ACCSL: variants seen among roughly 807,000 people sequenced by gnomAD.
The protein encoded by ACCSL is 1-aminocyclopropane-1-carboxylate synthase homolog (inactive) like, also known as probable inactive 1-aminocyclopropane-1-carboxylate synthase-like protein 2.
ACCSL carries 55 observed loss-of-function variants against 61.7 expected under a neutral mutation model. The ratio of observed to expected loss-of-function variants is 0.89; its 90% confidence interval spans 0.72 to 1.12. The LOEUF is 1.12. Ranked by LOEUF, ACCSL falls within the 50% of genes most tolerant of loss-of-function variation. The pLI is 0.00. For synonymous variants in ACCSL, 258 were observed against 264.3 expected (o/e 0.98, Z 0.23); for missense variants, 632 against 698.0 (o/e 0.91, Z 1.07).
At chr11:44,010,662 G>A in the ACCSL span, among the ~76,000 whole-genome samples, 1 of 152,212 alleles carries the variant, frequency 6.6e-6, no homozygotes, top group Non-Finnish European at 1.5e-5. Flanking sequence ...TCAAAACTCT[G>A]AAATGGAATT....
chr11:43,949,586 A>T, the ACCSL span, among the ~76,000 whole-genome samples: 2 of 152,174 alleles, frequency 1.3e-5, no homozygotes, highest in African/African-American at 4.8e-5. Context: ...AGGCTGAGGC[A>T]GGTGGATCAC....
At chr11:44,029,969 T>TTTTTA in the ACCSL span, among the ~76,000 whole-genome samples, 7,190 of 94,400 alleles carry the variant, frequency 0.076, 368 homozygotes, top group Non-Finnish European at 0.096. Flanking sequence ...CTGGGCCTTG[T>TTTTTA]TTTTATTTTA....
At chr11:44,031,196 T>A in the ACCSL span, among the ~76,000 whole-genome samples, 4 of 152,200 alleles carry the variant, frequency 2.6e-5, no homozygotes, top group Non-Finnish European at 5.9e-5. Flanking sequence ...ATAATGTGTG[T>A]AAAGAGCTCA....
chr11:43,971,044 G>A, the ACCSL span, among the ~76,000 whole-genome samples: 1 of 152,130 alleles, frequency 6.6e-6, no homozygotes, highest in Non-Finnish European at 1.5e-5. Context: ...TAGAAAACCA[G>A]TAATATGGCC....
At chr11:44,050,999 G>A (rs892211741) in intron 3 of ACCSL, among the ~76,000 whole-genome samples, 2 of 151,846 alleles carry the variant, frequency 1.3e-5, no homozygotes, top group Non-Finnish European at 2.9e-5. Flanking sequence ...CCGCCACCAC[G>A]CCCAGCTAAT....
chr11:43,955,894 A>G, the ACCSL span, among the ~76,000 whole-genome samples: 7 of 151,830 alleles, frequency 4.6e-5, no homozygotes, highest in Non-Finnish European at 5.9e-5. Flanking sequence ...GCTAACTCCC[A>G]AAATTAGCTT....
At chr11:44,001,496 G>A in the ACCSL span, among the ~76,000 whole-genome samples, 3,210 of 152,090 alleles carry the variant, frequency 0.021, 101 homozygotes, top group African/African-American at 0.058. Context: ...CTAAGATTCC[G>A]GGGTGAGACT....
intron 2 of ACCSL, 88 bp from the exon 3 acceptor site, chr11:44,050,464 G>C: frequency 1.7e-6 from 2 of 1,160,342 alleles, no homozygotes. Flanking sequence ...TGTATGTGGA[G>C]GGCAAACACT....
At chr11:43,925,528 G>T in the ACCSL span, 1 of 443,250 alleles carries the variant, frequency 2.3e-6, no homozygotes, top group South Asian at 1.6e-5. Context: ...ACCGATGAGG[G>T]GAATTAGCTG....
At chr11:44,050,258 C>T (rs1253217481) in intron 2 of ACCSL, 137 bp downstream of exon 2, 3 of 763,454 alleles carry the variant, frequency 3.9e-6, no homozygotes, top group African/African-American at 1.7e-5. Context: ...TCTAGAATAG[C>T]ACATTTAACC....
upstream of ACCSL, among the ~76,000 whole-genome samples, chr11:44,043,571 T>C (rs146810196): frequency 1.4e-4 from 21 of 152,356 alleles, no homozygotes; most frequent in African/African-American, 4.8e-4. Context: ...CAGTTAGCAT[T>C]TGGACTTCTT....
chr11:44,049,931 G>A (rs748236022), intron 1 of ACCSL, 131 bp from the exon 2 acceptor site: 80 of 1,232,506 alleles, frequency 6.5e-5, no homozygotes, highest in Non-Finnish European at 7.9e-5. Context: ...CTTTCCTAAC[G>A]TGTAAAGTTG....
the ACCSL span, among the ~76,000 whole-genome samples, chr11:43,964,376 G>A: frequency 3.3e-5 from 5 of 151,542 alleles, no homozygotes; most frequent in Non-Finnish European, 7.4e-5. Flanking sequence ...GGCAGAGGTG[G>A]CAGTGAGCCC....
At chr11:43,975,763 GA>G in the ACCSL span, among the ~76,000 whole-genome samples, 1 of 152,178 alleles carries the variant, frequency 6.6e-6, no homozygotes, top group African/African-American at 2.4e-5. Flanking sequence ...CAAAGCTACT[GA>G]TCTTCAAACA....
At chr11:43,945,966 C>T in the ACCSL span, among the ~76,000 whole-genome samples, 1 of 152,248 alleles carries the variant, frequency 6.6e-6, no homozygotes, top group South Asian at 2.1e-4. Context: ...ACCATATTCC[C>T]TGCTCAGCTG....
chr11:43,991,727 A>G, the ACCSL span, among the ~76,000 whole-genome samples: 1 of 152,112 alleles, frequency 6.6e-6, no homozygotes, highest in Non-Finnish European at 1.5e-5. Flanking sequence ...CCAGGAGGCA[A>G]AGGCTGCAGT....
chr11:43,998,392 C>T, the ACCSL span, among the ~76,000 whole-genome samples: 1 of 152,136 alleles, frequency 6.6e-6, no homozygotes, highest in Non-Finnish European at 1.5e-5. Flanking sequence ...GTCTCTCCTC[C>T]CATGTCCCCA....
At chr11:44,059,592 G>T (rs77432791) in intron 13 of ACCSL, among the ~76,000 whole-genome samples, 22 of 152,330 alleles carry the variant, frequency 1.4e-4, no homozygotes, top group African/African-American at 5.1e-4. Flanking sequence ...AAGGCCATAA[G>T]CCCGAGAGTA....
chr11:43,978,783 GTTTTTT>G, the ACCSL span, among the ~76,000 whole-genome samples: 5,405 of 79,082 alleles, frequency 0.068, 137 homozygotes, highest in Non-Finnish European at 0.079. Flanking sequence ...GAGAAGGTGG[GTTTTTT>G]TTTTTTTTTT....
Sources: allele counts gnomAD v4.1 joint callset (sites outside exome capture counted in the v4.1 genomes callset), GRCh38; gene constraint gnomAD v4.1.1; transcripts MANE v1.5; gene names NCBI Gene and HGNC (gene_info 2026-07-23, HGNC 2026-07-21).